Variants in CNTNAP2 observed in about 807,000 individuals in gnomAD.
CNTNAP2 encodes the protein contactin-associated protein-like 2.
CNTNAP2 carries 98 observed loss-of-function variants against 155.2 expected under a neutral mutation model. The ratio of observed to expected loss-of-function variants is 0.63; its 90% CI spans 0.54 to 0.75. The LOEUF (loss-of-function observed/expected upper bound fraction) is 0.75, where lower values mean the gene tolerates loss of function less well. Ranked by LOEUF, CNTNAP2 falls within the 30% of genes least tolerant of loss-of-function variation. The pLI, the probability that CNTNAP2 is intolerant of heterozygous loss-of-function variation, is 0.00. For synonymous variants in CNTNAP2, 651 were observed against 631.2 expected (o/e 1.03, Z -0.47); for missense variants, 1,727 against 1,688.1 (o/e 1.02, Z -0.40).
At chr7:146,730,965 C>T (rs949383129) in intron 1 of CNTNAP2, among the ~76,000 whole-genome samples, 3 of 152,078 alleles carry the variant, frequency 2.0e-5, no homozygotes, top group African/African-American at 2.4e-5. Flanking sequence ...AAACTAGGAC[C>T]GTGCTAAAAT....
At chr7:146,496,692 G>T (rs34795421) in intron 1 of CNTNAP2, among the ~76,000 whole-genome samples, 8,461 of 152,154 alleles carry the variant, frequency 0.056, 339 homozygotes, top group Non-Finnish European at 0.089. Flanking sequence ...GATCAAAGAC[G>T]AAATCCATGT....
chr7:146,596,596 AG>A (rs1476854210), intron 1 of CNTNAP2, among the ~76,000 whole-genome samples: 193 of 5,198 alleles, frequency 0.037, 2 homozygotes, highest in African/African-American at 0.16. Flanking sequence ...GAAGGGAGAC[AG>A]AGAGAGAGAG....
At chr7:146,479,131 T>C (rs1379792892) in intron 1 of CNTNAP2, among the ~76,000 whole-genome samples, 1 of 152,220 alleles carries the variant, frequency 6.6e-6, no homozygotes, top group Non-Finnish European at 1.5e-5. Flanking sequence ...CACCCTTGTC[T>C]GTGCCTAGGA....
chr7:146,463,097 T>C (rs981835552), intron 1 of CNTNAP2, among the ~76,000 whole-genome samples: 2 of 151,622 alleles, frequency 1.3e-5, no homozygotes, highest in Non-Finnish European at 2.9e-5. Context: ...AGAGGATAAA[T>C]GGGAAGAAAT....
chr7:146,488,187 C>T (rs964793453), intron 1 of CNTNAP2, among the ~76,000 whole-genome samples: 7 of 151,714 alleles, frequency 4.6e-5, no homozygotes, highest in African/African-American at 1.2e-4. Context: ...TTTAGTCTTA[C>T]GCACGTGAGG....
At chr7:147,098,114 G>A (rs1283956847) in intron 4 of CNTNAP2, among the ~76,000 whole-genome samples, 1 of 152,154 alleles carries the variant, frequency 6.6e-6, no homozygotes, top group Non-Finnish European at 1.5e-5. Flanking sequence ...GCTCGTTTGA[G>A]GCTGGGTCTT....
chr7:147,522,804 A>G (rs1799252890), intron 11 of CNTNAP2, among the ~76,000 whole-genome samples: 1 of 151,474 alleles, frequency 6.6e-6, no homozygotes, highest in African/African-American at 2.4e-5. Context: ...AAAAAAACCT[A>G]CTAAAAAATA....
At chr7:146,940,299 G>A (rs1179532894) in intron 3 of CNTNAP2, among the ~76,000 whole-genome samples, 1 of 151,822 alleles carries the variant, frequency 6.6e-6, no homozygotes, top group Non-Finnish European at 1.5e-5. Context: ...TCTGCCTCCC[G>A]AGTTCTCTTG....
chr7:147,516,848 C>CA (rs1468300453), intron 11 of CNTNAP2, among the ~76,000 whole-genome samples: 6 of 112,622 alleles, frequency 5.3e-5, no homozygotes, highest in Non-Finnish European at 7.4e-5. Flanking sequence ...TCTTTCTTTT[C>CA]TTTTTTTTTT....
intron 1 of CNTNAP2, among the ~76,000 whole-genome samples, chr7:146,751,734 C>T (rs1801907009): frequency 6.6e-6 from 1 of 151,864 alleles, no homozygotes; most frequent in Non-Finnish European, 1.5e-5. Flanking sequence ...GGTTTTAAGC[C>T]CCACATGCGT....
intron 18 of CNTNAP2, among the ~76,000 whole-genome samples, chr7:148,203,739 A>T (rs1795403436): frequency 7.9e-6 from 1 of 126,690 alleles, no homozygotes; most frequent in African/African-American, 2.9e-5. Context: ...AGTACATCTC[A>T]AAAAAAAGAA....
At chr7:146,931,205 A>C (rs1192218178) in intron 3 of CNTNAP2, among the ~76,000 whole-genome samples, 2 of 152,124 alleles carry the variant, frequency 1.3e-5, no homozygotes, top group African/African-American at 4.8e-5. Flanking sequence ...TCCTCAGCAA[A>C]TGTAAAAGAA....
chr7:147,892,428 A>C (rs1226229143), intron 13 of CNTNAP2, among the ~76,000 whole-genome samples: 1 of 152,206 alleles, frequency 6.6e-6, no homozygotes, highest in Non-Finnish European at 1.5e-5. Context: ...TATTAATCAC[A>C]CTTGTTTCTG....
intron 3 of CNTNAP2, among the ~76,000 whole-genome samples, chr7:146,902,734 C>G (rs150947943): frequency 6.6e-6 from 1 of 152,154 alleles, no homozygotes; most frequent in East Asian, 1.9e-4. Context: ...GTAAATGTTC[C>G]GTCTCATGAG....
intron 13 of CNTNAP2, among the ~76,000 whole-genome samples, chr7:147,757,617 T>C (rs1327018613): frequency 6.6e-6 from 1 of 151,046 alleles, no homozygotes; most frequent in Non-Finnish European, 1.5e-5. Context: ...GTTTTTGTTC[T>C]TTTTTTTTAA....
chr7:146,359,052 G>A (rs1466639720), intron 1 of CNTNAP2, among the ~76,000 whole-genome samples: 2 of 152,168 alleles, frequency 1.3e-5, no homozygotes, highest in South Asian at 2.1e-4. Context: ...ACTATTTTAT[G>A]GTAGGAGGAA....
intron 11 of CNTNAP2, among the ~76,000 whole-genome samples, chr7:147,513,723 G>A (rs1172665916): frequency 6.6e-6 from 1 of 152,228 alleles, no homozygotes; most frequent in Non-Finnish European, 1.5e-5. Flanking sequence ...TCACTTTAGA[G>A]ACATAGCCTG....
At chr7:146,476,640 TA>T (rs1325541805) in intron 1 of CNTNAP2, among the ~76,000 whole-genome samples, 1 of 152,198 alleles carries the variant, frequency 6.6e-6, no homozygotes, top group East Asian at 1.9e-4. Context: ...AGATTCTACC[TA>T]GAATGAAGAT....
rs771892040 is a variant in CNTNAP2, at chr7:147,166,092, C to T, written c.1348+33583C>T. Among the ~76,000 whole-genome samples the T allele has an allele frequency of 2.6e-5, 4 of 152,130 alleles. No individual in the cohort carries two copies. The South Asian group carries it at 6.2e-4, about 24-fold the overall frequency. On this transcript the variant is annotated intron_variant, in intron 8 of 23. Transcript: ENST00000361727. ...GATACTTGGACACAAAAGTTTATAGCAACAAAATTCACAGTTGCAAAAATA... is the reference window on the plus strand; with the variant it reads ...GATACTTGGACACAAAAGTTTATAGTAACAAAATTCACAGTTGCAAAAATA...
Sources: gnomAD v4.1 joint callset for allele counts (sites outside exome capture counted in the v4.1 genomes callset) on GRCh38, gnomAD v4.1.1 for gene constraint, MANE v1.5 for transcripts, NCBI Gene and HGNC (gene_info 2026-07-23, HGNC 2026-07-21) for gene names.